CSRNP3: variants seen among roughly 807,000 people sequenced by gnomAD.
CSRNP3 encodes cysteine and serine rich nuclear protein 3.
In CSRNP3, 12 loss-of-function variants were observed where a neutral mutation model predicts 48.0. The ratio of observed to expected loss-of-function variants is 0.25; its 90% CI spans 0.16 to 0.41. CSRNP3 has a LOEUF of 0.41. CSRNP3 is among the 10% of genes least tolerant of loss of function. The pLI is 1.00. For synonymous variants in CSRNP3, 263 were observed against 269.7 expected, an observed-to-expected ratio of 0.98 and a Z score of 0.24; for missense variants, 580 against 724.4, an observed-to-expected ratio of 0.80 and a Z score of 2.29.
At chr2:165,520,105 A>C (rs1200977216) in intron 3 of CSRNP3, among the ~76,000 whole-genome samples, 2 of 152,238 alleles carry the variant, frequency 1.3e-5, no homozygotes, top group Non-Finnish European at 2.9e-5. Context: ...TACAGTTACT[A>C]CAAGTATATG....
rs1687592257 is a variant in CSRNP3 at position 165,684,221 on chromosome 2, A to G, written c.*4468A>G. The G allele has an allele frequency of 6.6e-6, 1 of 152,152 alleles. No individual in the cohort carries two copies. The highest frequency in any genetic ancestry group is 2.1e-4 in the South Asian group (1 of 4,834). The allele number at this position is 152,152 out of a possible 1,614,324, so 9.4% of individuals were successfully genotyped here. On this transcript the variant is annotated 3_prime_UTR_variant, in exon 7 of 7. Transcript: ENST00000651982. ...CATCACTTTGCAGCAGGTGGAAAAC[A>G]GAGAGGTTGTTAGACTCCATCACTT...
chr2:165,553,290 CT>C (rs1243885674), intron 3 of CSRNP3, among the ~76,000 whole-genome samples: 2 of 152,158 alleles, frequency 1.3e-5, no homozygotes, highest in Non-Finnish European at 2.9e-5. Context: ...GTCCATCCTT[CT>C]TTACTAAAAT....
chr2:165,587,807 A>G (rs1265417864), intron 3 of CSRNP3, among the ~76,000 whole-genome samples: 1 of 152,138 alleles, frequency 6.6e-6, no homozygotes. Flanking sequence ...TTCATTTCTC[A>G]TTTTCATTCT....
rs556921748 is a variant in CSRNP3 at position 165,665,989 on chromosome 2, A to G, written c.408+7969A>G. On this transcript the variant is annotated intron_variant, in intron 5 of 6. Transcript: ENST00000651982. ...GAGAGAGGGGAAGAAAGAAAGAGAG[A>G]AAGGAAGGAAGGATAGAGAGGAAGA... is the stretch of plus-strand genomic sequence containing the variant. 4.7e-3 allele frequency among the ~76,000 whole-genome samples: 547 copies of G among 116,522 alleles called. 26 individuals carry two copies. Among genetic ancestry groups the G allele is most frequent in the South Asian group, 0.023 (75 of 3,202 alleles). 76.4% of individuals were successfully genotyped at this position (116,522 alleles called of 152,430 possible).
chr2:165,552,964 G>A (rs1685117009), intron 3 of CSRNP3, among the ~76,000 whole-genome samples: 1 of 152,136 alleles, frequency 6.6e-6, no homozygotes, highest in South Asian at 2.1e-4. Flanking sequence ...ACAGTGCTGG[G>A]ATTACAGGTG....
Position 165,494,907 on chromosome 2 carries a change from T to G in CSRNP3, c.-134T>G, listed in dbSNP as rs1684265951. Reference sequence around the variant, plus strand: ...CTGAGAGTGTTGATAGTGTCAATCGTTCAGTTTTAATGATTTTACCAGTGA... The same window carrying G: ...CTGAGAGTGTTGATAGTGTCAATCGGTCAGTTTTAATGATTTTACCAGTGA... On this transcript the variant is annotated 5_prime_UTR_variant, in exon 2 of 7. Coordinates refer to ENST00000651982, the MANE Select transcript of CSRNP3 (RefSeq NM_001172173.2). The G allele has an allele frequency of 6.4e-6, 1 of 156,244 alleles. No individual in the cohort carries two copies. The highest frequency in any genetic ancestry group is 2.4e-5 in the African/African-American group (1 of 41,514). 9.7% of individuals were successfully genotyped at this position (156,244 alleles called of 1,614,324 possible).
chr2:165,609,083 G>C (rs1299626282), intron 4 of CSRNP3, among the ~76,000 whole-genome samples: 1 of 150,704 alleles, frequency 6.6e-6, no homozygotes, highest in Non-Finnish European at 1.5e-5. Flanking sequence ...CTCCAGCCTG[G>C]GCGACAGAGC....
chr2:165,525,466 A>G (rs1684719276), intron 3 of CSRNP3, among the ~76,000 whole-genome samples: 1 of 143,900 alleles, frequency 6.9e-6, no homozygotes, highest in Admixed American at 6.9e-5. Context: ...ATGTTTATAT[A>G]TTTCTTTTTT....
chr2:165,475,313 G>A (rs1683946334), intron 1 of CSRNP3, among the ~76,000 whole-genome samples: 1 of 152,116 alleles, frequency 6.6e-6, no homozygotes, highest in African/African-American at 2.4e-5. Flanking sequence ...GCCCCAAGGG[G>A]CTGCTCTCAT....
rs1249078295 is a variant in CSRNP3 at position 165,487,862 on chromosome 2, C to T, written c.-282-6897C>T. On this transcript the variant is annotated intron_variant, in intron 1 of 6. Transcript: ENST00000651982. ...AATCATGCCAAAATGTAAAGAACATCGAGACTAGGAAGAAACTGCATCAAC... is the reference window on the plus strand; with the variant it reads ...AATCATGCCAAAATGTAAAGAACATTGAGACTAGGAAGAAACTGCATCAAC... Among the ~76,000 whole-genome samples the T allele has an allele frequency of 7.4e-4, 106 of 142,896 alleles. 1 individual carries two copies. The highest frequency in any genetic ancestry group is 2.7e-3 in the African/African-American group (101 of 37,486). 93.7% of individuals were successfully genotyped at this position (142,896 alleles called of 152,430 possible).
At position 165,679,738 on chromosome 2, in the gene CSRNP3, G is replaced by C. The variant is rs772143221; in HGVS notation, c.1743G>C (p.Glu581Asp). 3.1e-6 allele frequency: 5 copies of C among 1,613,276 alleles called. No individual in the cohort carries two copies. The highest frequency in any genetic ancestry group is 3.3e-5 in the Admixed American group (2 of 59,996). The change falls in exon 7 of 7, where the codon GAG (glutamate) becomes GAC (aspartate). Residue 581 changes from glutamate (E) to aspartate (D), a missense_variant. Transcript: ENST00000651982. ...HEECIKSPVV[E>D]TVPV ...AGTGCATCAAATCACCCGTGGTTGA[G>C]ACAGTCCCTGTTTAGTAGCTTAAAT...
chr2:165,548,512 A>C (rs1280773844), intron 3 of CSRNP3, among the ~76,000 whole-genome samples: 1 of 152,128 alleles, frequency 6.6e-6, no homozygotes, highest in Non-Finnish European at 1.5e-5. Flanking sequence ...AGGTTTATAC[A>C]GGAAATATTA....
intron 5 of CSRNP3, among the ~76,000 whole-genome samples, chr2:165,666,037 G>T (rs372376831): frequency 2.9e-5 from 1 of 33,974 alleles, no homozygotes; most frequent in Non-Finnish European, 7.4e-5. Context: ...GAGAGGAAGG[G>T]AGGAAGGAAG....
At chr2:165,617,221 G>A (rs144751464) in intron 4 of CSRNP3, among the ~76,000 whole-genome samples, 118 of 151,824 alleles carry the variant, frequency 7.8e-4, no homozygotes, top group African/African-American at 2.8e-3. Flanking sequence ...TCATGTTTCC[G>A]TGCTTTTTCA....
intron 1 of CSRNP3, among the ~76,000 whole-genome samples, chr2:165,471,185 A>G (rs371798724): frequency 1.3e-5 from 2 of 152,136 alleles, no homozygotes; most frequent in South Asian, 2.1e-4. Flanking sequence ...ACATGTTTAT[A>G]TGGTTAAGTG....
chr2:165,492,273 G>A (rs1684223090), intron 1 of CSRNP3, among the ~76,000 whole-genome samples: 2 of 152,130 alleles, frequency 1.3e-5, no homozygotes, highest in Admixed American at 1.3e-4. Context: ...TAAAATGTAA[G>A]CTAGATCTTG....
At chr2:165,658,631 G>A (rs1423617991) in intron 5 of CSRNP3, among the ~76,000 whole-genome samples, 3 of 152,156 alleles carry the variant, frequency 2.0e-5, no homozygotes, top group Non-Finnish European at 4.4e-5. Flanking sequence ...TAAAGAAAAG[G>A]AGGTTTAATG....
intron 3 of CSRNP3, among the ~76,000 whole-genome samples, chr2:165,544,598 G>T (rs1371285482): frequency 6.6e-6 from 1 of 152,076 alleles, no homozygotes; most frequent in Non-Finnish European, 1.5e-5. Context: ...GAAGGAAATG[G>T]TTTGATTCTG....
chr2:165,612,638 AT>A (rs1380289837), intron 4 of CSRNP3, among the ~76,000 whole-genome samples: 4 of 151,238 alleles, frequency 2.6e-5, no homozygotes, highest in African/African-American at 4.9e-5. Flanking sequence ...ATTAGCCCAA[AT>A]TTTTTTTAGC....
Sources: gnomAD v4.1 joint callset for allele counts (sites outside exome capture counted in the v4.1 genomes callset) on GRCh38, gnomAD v4.1.1 for gene constraint, MANE v1.5 for transcripts, NCBI Gene and HGNC (gene_info 2026-07-23, HGNC 2026-07-21) for gene names.